CADPS: variants seen among roughly 807,000 people sequenced by gnomAD.
The protein encoded by CADPS is calcium-dependent secretion activator 1.
In CADPS, 57 loss-of-function variants were observed where a neutral mutation model predicts 167.3. The observed-to-expected ratio is 0.34, with a 90% CI of 0.28 to 0.42. The LOEUF is 0.42. Among genes scored for constraint, CADPS ranks in the 20% least tolerant of loss-of-function variants. The probability of loss-of-function intolerance (pLI) is 1.00; values close to 1 mark genes in which losing one functional copy is unlikely to be tolerated. For missense variants in CADPS, 1,414 were observed against 1,738.1 expected (o/e 0.81, Z 3.32); for synonymous variants, 676 against 635.3 (o/e 1.06, Z -0.96).
At chr3:62,686,247 G>A (rs1376711292) in intron 3 of CADPS, among the ~76,000 whole-genome samples, 4 of 152,032 alleles carry the variant, frequency 2.6e-5, no homozygotes, top group Middle Eastern at 3.4e-3. Context: ...GAACATTTTC[G>A]TTTTCTCTAT....
chr3:62,503,557 C>T (rs534603461), intron 17 of CADPS, among the ~76,000 whole-genome samples: 21 of 152,160 alleles, frequency 1.4e-4, no homozygotes, highest in Non-Finnish European at 1.9e-4. Context: ...ATTCTTGCTC[C>T]CTTTGTGGAA....
At chr3:62,469,412 C>T (rs1392929716) in intron 24 of CADPS, among the ~76,000 whole-genome samples, 1 of 152,158 alleles carries the variant, frequency 6.6e-6, no homozygotes, top group East Asian at 1.9e-4. Context: ...ACAAACATTC[C>T]TACTAGACAA....
chr3:62,493,412 A>G (rs1341236122), intron 19 of CADPS, among the ~76,000 whole-genome samples: 1 of 152,154 alleles, frequency 6.6e-6, no homozygotes, highest in Non-Finnish European at 1.5e-5. Flanking sequence ...ATCCCCATTC[A>G]ATGCCGCAAA....
chr3:62,529,659 T>G (rs932709601), intron 13 of CADPS, among the ~76,000 whole-genome samples: 11 of 152,194 alleles, frequency 7.2e-5, no homozygotes, highest in Non-Finnish European at 1.3e-4. Flanking sequence ...TCTTTGACCT[T>G]CCCTATTGGA....
chr3:62,797,064 T>C (rs1383122010), intron 1 of CADPS, among the ~76,000 whole-genome samples: 2 of 152,176 alleles, frequency 1.3e-5, no homozygotes, highest in African/African-American at 2.4e-5. Flanking sequence ...GTGAGATGCA[T>C]TGAGACAGTC....
chr3:62,408,115 G>A (rs909802119), intron 28 of CADPS, among the ~76,000 whole-genome samples: 3 of 152,124 alleles, frequency 2.0e-5, no homozygotes, highest in African/African-American at 7.2e-5. Flanking sequence ...TCATTAATAT[G>A]CAGATACACT....
chr3:62,775,878 G>T (rs1441314603), intron 1 of CADPS, among the ~76,000 whole-genome samples: 2 of 152,134 alleles, frequency 1.3e-5, no homozygotes, highest in Non-Finnish European at 2.9e-5. Flanking sequence ...GTTTCATCAA[G>T]GAAAGTATTC....
intron 6 of CADPS, among the ~76,000 whole-genome samples, chr3:62,609,063 G>C (rs1158772357): frequency 7.9e-5 from 12 of 152,138 alleles, no homozygotes; most frequent in Admixed American, 2.6e-4. Context: ...CCCAATAAAA[G>C]AACCAATCGC....
intron 3 of CADPS, among the ~76,000 whole-genome samples, chr3:62,699,140 A>G (rs1306940645): frequency 1.3e-5 from 2 of 151,926 alleles, no homozygotes; most frequent in Non-Finnish European, 2.9e-5. Context: ...CCGAGTCCCC[A>G]AAGTCCATCG....
chr3:62,428,454 G>T (rs539477625), intron 28 of CADPS, among the ~76,000 whole-genome samples: 14 of 151,870 alleles, frequency 9.2e-5, no homozygotes, highest in Non-Finnish European at 1.8e-4. Context: ...CTCTAAGTGG[G>T]ACTACTCTGG....
chr3:62,533,187 A>T (rs1048590163), intron 12 of CADPS, 129 bp from the exon 13 acceptor site: 16 of 720,738 alleles, frequency 2.2e-5, no homozygotes, highest in Middle Eastern at 3.8e-4. Flanking sequence ...ATTGCCTATT[A>T]TGTGCCAGCC....
intron 12 of CADPS, among the ~76,000 whole-genome samples, chr3:62,533,799 A>T (rs753909958): frequency 6.6e-6 from 1 of 152,208 alleles, no homozygotes; most frequent in Non-Finnish European, 1.5e-5. Flanking sequence ...AGAGAACAGC[A>T]TGGCTTAGTT....
At chr3:62,621,779 C>A (rs183428065) in intron 6 of CADPS, among the ~76,000 whole-genome samples, 97 of 152,160 alleles carry the variant, frequency 6.4e-4, no homozygotes, top group African/African-American at 2.1e-3. Flanking sequence ...TGCGTTATTC[C>A]CCTCTATACC....
chr3:62,624,878 G>A (rs2063772472), intron 6 of CADPS, among the ~76,000 whole-genome samples: 1 of 152,074 alleles, frequency 6.6e-6, no homozygotes. Context: ...ACATGATCTT[G>A]CCCTCCTGGC....
chr3:62,812,527 C>T (rs1241026634), intron 1 of CADPS, among the ~76,000 whole-genome samples: 1 of 152,176 alleles, frequency 6.6e-6, no homozygotes, highest in African/African-American at 2.4e-5. Flanking sequence ...TACAATCACA[C>T]ATCAAGAGTC....
In CADPS at chr3:62,647,710, C is replaced by G. The variant is rs576658479; in HGVS notation, c.1204-1867G>C. Reference sequence around the variant, plus strand: ...TATAAATAGAAAGAAATGGAAGGCACAGTGAAAGAGCACAAATTTTGGAAT... The same window carrying G: ...TATAAATAGAAAGAAATGGAAGGCAGAGTGAAAGAGCACAAATTTTGGAAT... On this transcript the variant is annotated intron_variant, in intron 5 of 29. Coordinates refer to ENST00000383710, the MANE Select transcript of CADPS (RefSeq NM_003716.4). Among the ~76,000 whole-genome samples, 7 of 152,276 alleles carry G rather than the reference C, an allele frequency of 4.6e-5. No homozygotes were observed. In the East Asian group the frequency reaches 1.4e-3, roughly 29 times the overall value.
At chr3:62,777,296 C>T (rs1331575350) in intron 1 of CADPS, among the ~76,000 whole-genome samples, 2 of 152,144 alleles carry the variant, frequency 1.3e-5, no homozygotes, top group African/African-American at 4.8e-5. Flanking sequence ...ATGAGCTTCA[C>T]TGAAATTGAT....
At chr3:62,554,890 T>C (rs1298763325) in intron 10 of CADPS, among the ~76,000 whole-genome samples, 2 of 152,090 alleles carry the variant, frequency 1.3e-5, no homozygotes, top group East Asian at 1.9e-4. Context: ...GTAGCTCGGA[T>C]TACAGGTGCG....
At chr3:62,640,894 G>T (rs190003129) in intron 6 of CADPS, among the ~76,000 whole-genome samples, 45 of 151,974 alleles carry the variant, frequency 3.0e-4, no homozygotes, top group Middle Eastern at 6.8e-3. Context: ...ATATAATTTT[G>T]GAATATATTT....
Sources: allele counts gnomAD v4.1 joint callset (sites outside exome capture counted in the v4.1 genomes callset), GRCh38; gene constraint gnomAD v4.1.1; transcripts MANE v1.5; gene names NCBI Gene and HGNC (gene_info 2026-07-23, HGNC 2026-07-21).